CCDC7: variants seen among roughly 807,000 people sequenced by gnomAD.
CCDC7 encodes coiled-coil domain containing 7.
Under a neutral mutation model 196.9 loss-of-function variants are expected in CCDC7, and 183 were observed. That is an observed-to-expected ratio of 0.93 (90% CI 0.82 to 1.05). CCDC7 has a LOEUF of 1.05. Among genes scored for constraint, CCDC7 ranks in the 50% least tolerant of loss-of-function variants. The pLI, the probability that CCDC7 is intolerant of heterozygous loss-of-function variation, is 0.00. For synonymous variants in CCDC7, 525 were observed against 484.6 expected (o/e 1.08, Z -1.10); for missense variants, 1,540 against 1,482.2 (o/e 1.04, Z -0.64).
At position 32,824,616 on chromosome 10, in the gene CCDC7, A is replaced by C. The variant is rs372765966; in HGVS notation, c.3268+12A>C. 1.1e-4 allele frequency: 172 copies of C among 1,570,630 alleles called. No individual in the cohort carries two copies. Among genetic ancestry groups the C allele is most frequent in the Non-Finnish European group, 1.5e-4 (166 of 1,144,826 alleles). ...AAAGAGTTACCCTGGTAAGAATAAG[A>C]ATTTTTAAAATCTACTTATGGTTTC... is the stretch of plus-strand genomic sequence containing the variant. On this transcript the variant is annotated intron_variant, in intron 32 of 41. Transcript: ENST00000639629.
At chr10:32,798,046 C>T (rs558252856) in intron 29 of CCDC7, among the ~76,000 whole-genome samples, 12 of 152,276 alleles carry the variant, frequency 7.9e-5, no homozygotes, top group South Asian at 6.2e-4. Context: ...GGCAATACTA[C>T]GTGGAATACC....
intron 39 of CCDC7, among the ~76,000 whole-genome samples, 193 bp from the exon 41 acceptor site, chr10:32,851,614 A>T (rs1329294863): frequency 6.6e-6 from 1 of 152,110 alleles, no homozygotes; most frequent in Non-Finnish European, 1.5e-5. Flanking sequence ...TTCTATCTGG[A>T]TGACCTGTCT....
chr10:32,640,113 G>C (rs758692879), intron 20 of CCDC7, among the ~76,000 whole-genome samples: 2 of 152,094 alleles, frequency 1.3e-5, no homozygotes, highest in African/African-American at 2.4e-5. Context: ...TTTCTGTCTC[G>C]TCGATCTGTC....
intron 20 of CCDC7, among the ~76,000 whole-genome samples, chr10:32,641,819 G>A (rs1273282852): frequency 1.3e-5 from 2 of 152,212 alleles, no homozygotes; most frequent in African/African-American, 4.8e-5. Flanking sequence ...GTGACGAACA[G>A]ATGGGGTTTT....
intron 25 of CCDC7, among the ~76,000 whole-genome samples, chr10:32,718,512 G>A (rs952516424): frequency 2.0e-5 from 3 of 151,998 alleles, no homozygotes; most frequent in African/African-American, 7.3e-5. Context: ...AGTATTGGAA[G>A]TTCTGGCCAG....
chr10:32,445,687 C>G (rs765559751), upstream of CCDC7, among the ~76,000 whole-genome samples: 2 of 152,188 alleles, frequency 1.3e-5, no homozygotes, highest in Non-Finnish European at 2.9e-5. Flanking sequence ...AACTCTGCTT[C>G]AAGTTAATTC....
chr10:32,715,662 C>G (rs1036705787), intron 25 of CCDC7, among the ~76,000 whole-genome samples: 6 of 152,100 alleles, frequency 3.9e-5, no homozygotes, highest in African/African-American at 7.2e-5. Flanking sequence ...GGTAAAATGT[C>G]ACAGGAACTG....
At chr10:32,666,332 A>G (rs1266097097) in intron 21 of CCDC7, among the ~76,000 whole-genome samples, 1 of 151,480 alleles carries the variant, frequency 6.6e-6, no homozygotes, top group East Asian at 1.9e-4. Flanking sequence ...AGAACATAAT[A>G]TTTTTCTAAC....
intron 13 of CCDC7, among the ~76,000 whole-genome samples, chr10:32,562,236 G>A (rs1480890028): frequency 6.6e-6 from 1 of 152,170 alleles, no homozygotes; most frequent in African/African-American, 2.4e-5. Context: ...GGAGGAATTG[G>A]TGCCATTCCT....
At chr10:32,832,631 A>T (rs1330890582) in intron 32 of CCDC7, among the ~76,000 whole-genome samples, 1 of 152,182 alleles carries the variant, frequency 6.6e-6, no homozygotes, top group Non-Finnish European at 1.5e-5. Context: ...AAATAAATAA[A>T]AATTTACAGG....
intron 39 of CCDC7, among the ~76,000 whole-genome samples, 194 bp downstream of exon 40, chr10:32,848,912 C>T (rs1407550003): frequency 1.3e-5 from 2 of 151,974 alleles, no homozygotes; most frequent in African/African-American, 2.4e-5. Context: ...ATAGTAAGAA[C>T]ACTTTATTCA....
At chr10:32,568,847 A>G (rs551831665) in intron 15 of CCDC7, among the ~76,000 whole-genome samples, 7 of 152,354 alleles carry the variant, frequency 4.6e-5, no homozygotes, top group African/African-American at 1.7e-4. Context: ...AGTGAGTAAT[A>G]TTGAGTTAGA....
intron 8 of CCDC7, among the ~76,000 whole-genome samples, chr10:32,480,205 A>G (rs2039714047): frequency 1.3e-5 from 2 of 150,212 alleles, no homozygotes; most frequent in Non-Finnish European, 3.0e-5. Flanking sequence ...CTTCTGCGCT[A>G]ATCTCTTATT....
chr10:32,711,748 A>G lies in CCDC7; in HGVS notation c.2569+18A>G, dbSNP rs564954892. Reference sequence around the variant, plus strand: ...ACGTAGCAGTAAGTATAATGATGATAGCTATTTTATATTATTTTAAGTAAA... The same window carrying G: ...ACGTAGCAGTAAGTATAATGATGATGGCTATTTTATATTATTTTAAGTAAA... On this transcript the variant is annotated intron_variant, in intron 25 of 41. Transcript: ENST00000639629. The G allele has an allele frequency of 1.3e-4, 183 of 1,388,280 alleles. 3 individuals are homozygous for G. The South Asian group carries it at 2.1e-3, about 16-fold the overall frequency. 86.0% of individuals were successfully genotyped at this position (1,388,280 alleles called of 1,614,324 possible). A position where few individuals can be genotyped will look rare whatever the true frequency, so the allele number is the denominator to read the frequency against.
Position 32,847,927 on chromosome 10 carries a change from T to C in CCDC7, c.3772+11T>C. The C allele has an allele frequency of 6.6e-7, 1 of 1,510,926 alleles. No homozygotes were observed. The highest frequency in any genetic ancestry group is 1.4e-5 in the African/African-American group (1 of 72,434). 93.6% of individuals were successfully genotyped at this position (1,510,926 alleles called of 1,614,324 possible). On this transcript the variant is annotated intron_variant, in intron 38 of 41. Transcript: ENST00000639629. ...TAAGGACTCACTATGGTAAGAATAA[T>C]AATTTTAAGTCTAATATTTACAGTT...
intron 18 of CCDC7, among the ~76,000 whole-genome samples, chr10:32,588,038 T>C (rs1443121233): frequency 6.6e-6 from 1 of 152,154 alleles, no homozygotes; most frequent in East Asian, 1.9e-4. Context: ...AGAATGGGTC[T>C]TCTTTAAAAG....
Position 32,854,390 on chromosome 10 carries a change from A to AT in CCDC7, c.4022-3dup, listed in dbSNP as rs5784306. ...CACATAATTTAATAACACTGTTCTC[A>AT]TTTTTTTAGGGCATTCGAAAGTTGT... On this transcript the variant is annotated splice_polypyrimidine_tract_variant and intron_variant, in intron 40 of 41. Coordinates refer to ENST00000639629, the Ensembl canonical transcript of CCDC7. 5.2e-6 allele frequency: 8 copies of AT among 1,538,432 alleles called. No homozygotes were observed. Among genetic ancestry groups the AT allele is most frequent in the Non-Finnish European group, 7.2e-6 (8 of 1,118,050 alleles).
chr10:32,501,010 C>CCG (rs1418674153), intron 9 of CCDC7, among the ~76,000 whole-genome samples: 1 of 152,104 alleles, frequency 6.6e-6, no homozygotes, highest in Non-Finnish European at 1.5e-5. Flanking sequence ...AGTCCAGCCT[C>CCG]CGCTCGGCAT....
At chr10:32,563,001 C>T (rs1181069823) in intron 13 of CCDC7, among the ~76,000 whole-genome samples, 2 of 152,230 alleles carry the variant, frequency 1.3e-5, no homozygotes, top group Admixed American at 6.5e-5. Flanking sequence ...CATTCTTATA[C>T]ACCAATGACA....
Sources: allele counts gnomAD v4.1 joint callset (sites outside exome capture counted in the v4.1 genomes callset), GRCh38; gene constraint gnomAD v4.1.1; transcripts MANE v1.5; gene names NCBI Gene and HGNC (gene_info 2026-07-23, HGNC 2026-07-21).